The following PEBP4 variants were observed in gnomAD, a reference collection of about 807,000 sequenced individuals.
PEBP4 encodes the protein phosphatidylethanolamine binding protein 4, also known as phosphatidylethanolamine-binding protein 4.
PEBP4 carries 22 observed loss-of-function variants against 23.9 expected under a neutral mutation model. That is an observed-to-expected ratio of 0.92 (90% CI 0.66 to 1.31). The LOEUF (loss-of-function observed/expected upper bound fraction) is 1.31, where lower values mean the gene tolerates loss of function less well. PEBP4 is among the 40% of genes most tolerant of loss of function. PEBP4 has a pLI of 0.00. For synonymous variants in PEBP4, 112 were observed against 99.3 expected (o/e 1.13, Z -0.76); for missense variants, 324 against 281.7 (o/e 1.15, Z -1.07).
At chr8:22,776,867 G>A (rs1203119948) in intron 4 of PEBP4, among the ~76,000 whole-genome samples, 3 of 151,160 alleles carry the variant, frequency 2.0e-5, no homozygotes, top group African/African-American at 4.9e-5. Context: ...CTGCGGAGCT[G>A]GGAGGTGGTT....
intron 4 of PEBP4, among the ~76,000 whole-genome samples, chr8:22,792,462 C>G: frequency 6.6e-6 from 1 of 152,006 alleles, no homozygotes; most frequent in East Asian, 1.9e-4. Flanking sequence ...TGGTATCGGT[C>G]CGTGTCCTTG....
chr8:22,836,657 G>A (rs941197228), intron 3 of PEBP4, among the ~76,000 whole-genome samples: 11 of 152,194 alleles, frequency 7.2e-5, no homozygotes, highest in Admixed American at 3.9e-4. Flanking sequence ...GCCGGGTGGC[G>A]AGTTCAAATC....
At chr8:22,745,169 C>T (rs141708194) in intron 4 of PEBP4, among the ~76,000 whole-genome samples, 32 of 152,336 alleles carry the variant, frequency 2.1e-4, no homozygotes, top group African/African-American at 7.7e-4. Flanking sequence ...TCTAGATCTT[C>T]CCAGCTCTCT....
At chr8:22,730,709 G>A (rs1804712018) in intron 4 of PEBP4, among the ~76,000 whole-genome samples, 1 of 152,184 alleles carries the variant, frequency 6.6e-6, no homozygotes, top group Non-Finnish European at 1.5e-5. Context: ...GGAGGAGGGG[G>A]TACCAGCCCA....
intron 4 of PEBP4, among the ~76,000 whole-genome samples, chr8:22,740,651 C>A (rs774150794): frequency 7.2e-5 from 11 of 152,142 alleles, no homozygotes; most frequent in Non-Finnish European, 1.2e-4. Context: ...AGCCCCGGTT[C>A]CTGATGGTAC....
chr8:22,793,754 C>A (rs7840396), intron 4 of PEBP4, among the ~76,000 whole-genome samples: 2 of 151,876 alleles, frequency 1.3e-5, no homozygotes, highest in Non-Finnish European at 2.9e-5. Context: ...ACATAACACG[C>A]CCTGCCTTAT....
chr8:22,932,640 C>T (rs1809475423), upstream of PEBP4, among the ~76,000 whole-genome samples: 1 of 152,132 alleles, frequency 6.6e-6, no homozygotes, highest in Admixed American at 6.5e-5. Flanking sequence ...TCAAGGAAAG[C>T]CTCCTTAACT....
At chr8:22,841,324 A>G (rs945386851) in intron 3 of PEBP4, among the ~76,000 whole-genome samples, 1 of 152,280 alleles carries the variant, frequency 6.6e-6, no homozygotes, top group African/African-American at 2.4e-5. Flanking sequence ...CATCTGTCAG[A>G]GTTCTTTAGG....
intron 3 of PEBP4, among the ~76,000 whole-genome samples, chr8:22,851,840 A>C (rs1475432772): frequency 1.3e-5 from 2 of 152,094 alleles, no homozygotes; most frequent in Non-Finnish European, 2.9e-5. Flanking sequence ...AGTTAAGTGG[A>C]AAATGGCATT....
intron 2 of PEBP4, 83 bp downstream of exon 2, chr8:22,927,501 C>CT: frequency 6.8e-7 from 1 of 1,478,460 alleles, no homozygotes; most frequent in Non-Finnish European, 9.0e-7. Flanking sequence ...GATGGTGCTT[C>CT]TTGGTTCTGG....
intron 4 of PEBP4, among the ~76,000 whole-genome samples, chr8:22,791,633 G>A (rs1364295505): frequency 6.6e-6 from 1 of 152,194 alleles, no homozygotes; most frequent in Non-Finnish European, 1.5e-5. Context: ...AACACATAAT[G>A]CATATTCACA....
chr8:22,805,786 ATT>A (rs58399291), intron 4 of PEBP4, among the ~76,000 whole-genome samples: 3 of 151,096 alleles, frequency 2.0e-5, no homozygotes, highest in African/African-American at 7.3e-5. Flanking sequence ...AATAAAGTCT[ATT>A]TTTTTTTAAA....
At chr8:22,857,441 G>T (rs142318179) in intron 3 of PEBP4, among the ~76,000 whole-genome samples, 1 of 152,162 alleles carries the variant, frequency 6.6e-6, no homozygotes, top group African/African-American at 2.4e-5. Flanking sequence ...TTGAAGGACC[G>T]CCAGGAGTGG....
At chr8:22,833,408 T>C (rs574323828) in intron 3 of PEBP4, among the ~76,000 whole-genome samples, 1 of 152,344 alleles carries the variant, frequency 6.6e-6, no homozygotes, top group East Asian at 1.9e-4. Flanking sequence ...CTCGGCTTAC[T>C]GCAACCTCCG....
chr8:22,932,085 G>A (rs1341339639), upstream of PEBP4, among the ~76,000 whole-genome samples: 1 of 152,232 alleles, frequency 6.6e-6, no homozygotes, highest in East Asian at 1.9e-4. Context: ...AGCCCAGGGT[G>A]GGGCCCAGGA....
At chr8:22,808,131 ACCCATCCATT>A (rs1165739709) in intron 4 of PEBP4, among the ~76,000 whole-genome samples, 1 of 146,194 alleles carries the variant, frequency 6.8e-6, no homozygotes, top group Non-Finnish European at 1.5e-5. Flanking sequence ...CCCAACTTCC[ACCCATCCATT>A]CATCACTCCA....
At chr8:22,813,878 C>T (rs1806686609) in intron 4 of PEBP4, among the ~76,000 whole-genome samples, 1 of 152,170 alleles carries the variant, frequency 6.6e-6, no homozygotes, top group Non-Finnish European at 1.5e-5. Context: ...TAGGAAGTTC[C>T]ACCCCAAGCC....
chr8:22,767,250 A>G (rs1256960730), intron 4 of PEBP4, among the ~76,000 whole-genome samples: 2 of 152,342 alleles, frequency 1.3e-5, no homozygotes, highest in African/African-American at 4.8e-5. Context: ...AAATCATACC[A>G]CTTAGACTAG....
chr8:22,893,768 G>T (rs1327221003), intron 3 of PEBP4, among the ~76,000 whole-genome samples: 1 of 151,920 alleles, frequency 6.6e-6, no homozygotes, highest in Non-Finnish European at 1.5e-5. Flanking sequence ...AGAGAAAAAA[G>T]ACTGAAAAAA....
Sources: allele counts gnomAD v4.1 joint callset (sites outside exome capture counted in the v4.1 genomes callset), GRCh38; gene constraint gnomAD v4.1.1; transcripts MANE v1.5; gene names NCBI Gene and HGNC (gene_info 2026-07-23, HGNC 2026-07-21).